The following SOS2 variants were observed in gnomAD, a reference collection of about 807,000 sequenced individuals.
The protein encoded by SOS2 is son of sevenless homolog 2.
Under a neutral mutation model 148.2 loss-of-function variants are expected in SOS2, and 65 were observed. The observed-to-expected ratio is 0.44, with a 90% CI of 0.36 to 0.54. The LOEUF (loss-of-function observed/expected upper bound fraction) is 0.54. Ranked by LOEUF, SOS2 falls within the 20% of genes least tolerant of loss-of-function variation. The pLI is 0.00. For missense variants in SOS2, 1,341 were observed against 1,590.2 expected (o/e 0.84, Z 2.67); for synonymous variants, 539 against 537.1 (o/e 1.00, Z -0.05).
intron 1 of SOS2, among the ~76,000 whole-genome samples, chr14:50,217,546 T>C (rs1887070706): frequency 6.6e-6 from 1 of 151,768 alleles, no homozygotes; most frequent in Non-Finnish European, 1.5e-5. Context: ...TTTTGAAAAT[T>C]AAAATAAATA....
At chr14:50,136,097 A>G (rs775365827) in intron 18 of SOS2, among the ~76,000 whole-genome samples, 3 of 152,212 alleles carry the variant, frequency 2.0e-5, no homozygotes, top group Non-Finnish European at 4.4e-5. Context: ...AGAAAATTGT[A>G]TTACTCTTTT....
At chr14:50,195,356 T>C (rs1297235894) in intron 4 of SOS2, among the ~76,000 whole-genome samples, 4 of 152,118 alleles carry the variant, frequency 2.6e-5, no homozygotes, top group African/African-American at 9.7e-5. Context: ...CTAAAAGCAA[T>C]ATAACAAGGG....
chr14:50,144,324 T>C (rs909146031), intron 16 of SOS2, among the ~76,000 whole-genome samples: 1 of 152,098 alleles, frequency 6.6e-6, no homozygotes, highest in Non-Finnish European at 1.5e-5. Context: ...CTATGCACAA[T>C]GTAATCTCAA....
intron 1 of SOS2, among the ~76,000 whole-genome samples, chr14:50,206,776 C>CAT (rs10684728): frequency 0.91 from 138,966 of 152,216 alleles, 63,593 homozygotes; most frequent in African/African-American, 0.96. Flanking sequence ...ATAATAATCA[C>CAT]GTCGTCAGAA....
chr14:50,166,133 T>C (rs1885154552), intron 8 of SOS2, among the ~76,000 whole-genome samples: 1 of 152,116 alleles, frequency 6.6e-6, no homozygotes, highest in South Asian at 2.1e-4. Flanking sequence ...ATGAAATGAG[T>C]GTACTCTGGA....
At chr14:50,205,410 G>T (rs1302459286) in intron 1 of SOS2, among the ~76,000 whole-genome samples, 1 of 152,070 alleles carries the variant, frequency 6.6e-6, no homozygotes, top group Non-Finnish European at 1.5e-5. Flanking sequence ...CACAAAAATA[G>T]ATAACTTGAA....
At chr14:50,209,116 T>C (rs940344122) in intron 1 of SOS2, among the ~76,000 whole-genome samples, 17 of 152,218 alleles carry the variant, frequency 1.1e-4, no homozygotes, top group Admixed American at 1.0e-3. Context: ...TTCAGACTGA[T>C]ACTCAGACTG....
At chr14:50,134,272 T>C (rs759015837) in intron 18 of SOS2, 33 bp from the exon 19 acceptor site, 1 of 971,970 alleles carries the variant, frequency 1.0e-6, no homozygotes, top group African/African-American at 1.6e-5. Flanking sequence ...AGTGCATATA[T>C]AGTAAGTATA....
In SOS2 at chr14:50,153,147, A is replaced by G. The variant is rs1884713798; in HGVS notation, c.2084T>C (p.Val695Ala). 6.2e-7 allele frequency: 1 copy of G among 1,602,784 alleles called. No individual in the cohort carries two copies. The highest frequency in any genetic ancestry group is 2.2e-5 in the East Asian group (1 of 44,698). The change falls in exon 13 of 23, where the codon GTT (valine) becomes GCT (alanine). Residue 695 changes from valine (V) to alanine (A), a missense_variant. Val to Ala is a moderately conservative substitution (Grantham distance 64). Transcript: ENST00000216373. ...TTCAAAGTCATAAAAATGATGTTCA[A>G]CCCAATGCCGAAATACATTTAAGAT... Reference protein sequence around the residue: ...LRILNVFRHWVEHHFYDFERD... With the variant: ...LRILNVFRHWAEHHFYDFERD...
chr14:50,217,343 TTTA>T (rs1887064915), intron 1 of SOS2, among the ~76,000 whole-genome samples: 1 of 152,094 alleles, frequency 6.6e-6, no homozygotes, highest in Non-Finnish European at 1.5e-5. Context: ...GTGAGATTTT[TTTA>T]AAAAAGAAAA....
chr14:50,204,634 A>G (rs1566479082), intron 1 of SOS2, among the ~76,000 whole-genome samples: 1 of 152,198 alleles, frequency 6.6e-6, no homozygotes, highest in African/African-American at 2.4e-5. Flanking sequence ...ATGGAAAGCC[A>G]TTGAACCCTC....
intron 4 of SOS2, among the ~76,000 whole-genome samples, chr14:50,196,952 C>T (rs1260973510): frequency 6.6e-6 from 1 of 152,110 alleles, no homozygotes; most frequent in Non-Finnish European, 1.5e-5. Flanking sequence ...CATGTAGCCT[C>T]AACCTCCCGA....
intron 5 of SOS2, among the ~76,000 whole-genome samples, chr14:50,184,030 G>A (rs1057069970): frequency 3.9e-5 from 6 of 152,200 alleles, no homozygotes; most frequent in Middle Eastern, 3.2e-3. Flanking sequence ...GTAGGTAACT[G>A]TAACACAATG....
At position 50,150,526 on chromosome 14, in the gene SOS2, T is replaced by C. The variant is rs535331399; in HGVS notation, c.2162-296A>G. Among the ~76,000 whole-genome samples, 7 of 152,122 alleles carry C rather than the reference T, an allele frequency of 4.6e-5. No homozygotes were observed. The East Asian group carries it at 1.2e-3, about 25-fold the overall frequency. ...CTTAATACATTGTTATCTTGAAGTATTTTGTCACTGTTCACATTTCTCTCT... is the reference window on the plus strand; with the variant it reads ...CTTAATACATTGTTATCTTGAAGTACTTTGTCACTGTTCACATTTCTCTCT... On this transcript the variant is annotated intron_variant, in intron 13 of 22. Coordinates refer to ENST00000216373, the MANE Select transcript of SOS2 (RefSeq NM_006939.4).
At chr14:50,225,146 G>C (rs1887330570) in intron 1 of SOS2, among the ~76,000 whole-genome samples, 1 of 151,908 alleles carries the variant, frequency 6.6e-6, no homozygotes, top group African/African-American at 2.4e-5. Flanking sequence ...ATGGACATGG[G>C]GTCTCGCTAT....
intron 5 of SOS2, among the ~76,000 whole-genome samples, chr14:50,183,926 G>A (rs1280169552): frequency 6.6e-6 from 1 of 152,134 alleles, no homozygotes; most frequent in African/African-American, 2.4e-5. Context: ...CAAATATCAC[G>A]GCTAGATGAT....
intron 5 of SOS2, among the ~76,000 whole-genome samples, chr14:50,187,727 A>C (rs571810071): frequency 6.6e-6 from 1 of 152,334 alleles, no homozygotes; most frequent in South Asian, 2.1e-4. Context: ...AAGAAAAAAA[A>C]CTTTTTTGTT....
intron 4 of SOS2, among the ~76,000 whole-genome samples, chr14:50,189,905 G>A (rs1483806055): frequency 2.0e-5 from 3 of 150,358 alleles, no homozygotes; most frequent in Non-Finnish European, 2.9e-5. Flanking sequence ...CTGGAGTACA[G>A]TGGCATGATC....
rs117260286 is a variant in SOS2, at chr14:50,165,925, G to A, written c.1069-4316C>T. Among the ~76,000 whole-genome samples, 535 of 152,298 alleles carry A rather than the reference G, an allele frequency of 3.5e-3. 2 individuals are homozygous for A. The highest frequency in any genetic ancestry group is 8.9e-3 in the South Asian group (43 of 4,818). On this transcript the variant is annotated intron_variant, in intron 8 of 22. Transcript: ENST00000216373. ...AGTAATTTGCCCAATATAAATAGGAGAGTTTATATCCAAACCCAGGAGCTC... is the reference window on the plus strand; with the variant it reads ...AGTAATTTGCCCAATATAAATAGGAAAGTTTATATCCAAACCCAGGAGCTC...
Sources: allele counts gnomAD v4.1 joint callset (sites outside exome capture counted in the v4.1 genomes callset), GRCh38; gene constraint gnomAD v4.1.1; transcripts MANE v1.5; gene names NCBI Gene and HGNC (gene_info 2026-07-23, HGNC 2026-07-21).